The following EPHB1 variants were observed in gnomAD, a reference collection of about 807,000 sequenced individuals.
EPHB1 encodes ephrin type-B receptor 1.
A neutral mutation model predicts 94.4 loss-of-function variants in EPHB1; 30 were observed. The observed-to-expected ratio is 0.32, with a 90% confidence interval of 0.24 to 0.43. The LOEUF (loss-of-function observed/expected upper bound fraction) is 0.43, where lower values mean the gene tolerates loss of function less well. EPHB1 is among the 20% of genes least tolerant of loss of function. The pLI, the probability that EPHB1 is intolerant of heterozygous loss-of-function variation, is 1.00. For missense variants in EPHB1, 1,055 were observed against 1,308.3 expected (o/e 0.81, Z 2.99); for synonymous variants, 522 against 489.1 (o/e 1.07, Z -0.89).
chr3:135,001,054 A>C (rs1472693022), intron 3 of EPHB1, among the ~76,000 whole-genome samples: 1 of 151,956 alleles, frequency 6.6e-6, no homozygotes. Flanking sequence ...CACCTTTTCC[A>C]TGTATCTGGC....
At position 135,239,549 on chromosome 3, in the gene EPHB1, T is replaced by G. The variant is rs78470901; in HGVS notation, c.2347-1599T>G. Among the ~76,000 whole-genome samples, 348 of 152,192 alleles carry G rather than the reference T, an allele frequency of 2.3e-3. 7 individuals are homozygous for G. In the East Asian group the frequency reaches 0.032, roughly 14 times the overall value. ...CAGAGCCTAAGCATGGAAAAAAGCA[T>G]GAAAGGGTGAAATCCTGGCATTTGG... On this transcript the variant is annotated intron_variant, in intron 12 of 15. Coordinates refer to ENST00000398015, the MANE Select transcript of EPHB1 (RefSeq NM_004441.5).
At chr3:134,800,072 G>A (rs1049139669) in intron 1 of EPHB1, among the ~76,000 whole-genome samples, 2 of 152,126 alleles carry the variant, frequency 1.3e-5, no homozygotes, top group African/African-American at 4.8e-5. Context: ...GGATGGAGAT[G>A]AAATCAACAT....
At chr3:134,904,488 G>GTGGT (rs2038275834) in intron 1 of EPHB1, among the ~76,000 whole-genome samples, 1 of 138,200 alleles carries the variant, frequency 7.2e-6, no homozygotes, top group South Asian at 2.4e-4. Flanking sequence ...GGTCTGTGGT[G>GTGGT]GGGGGTGGCA....
chr3:135,228,100 T>C (rs751091572), intron 12 of EPHB1, among the ~76,000 whole-genome samples: 1 of 152,218 alleles, frequency 6.6e-6, no homozygotes, highest in Non-Finnish European at 1.5e-5. Context: ...ATTTTGTCAA[T>C]TGACCCAAAA....
rs1293942447 is a variant in EPHB1 at position 134,951,354 on chromosome 3, TG to T, written c.124-15del. The T allele has an allele frequency of 1.3e-6, 2 of 1,524,748 alleles. No homozygotes were observed. The highest frequency in any genetic ancestry group is 2.8e-5 in the African/African-American group (2 of 72,142). The allele number at this position is 1,524,748 out of a possible 1,614,324, so 94.5% of individuals were successfully genotyped here. A position where few individuals can be genotyped will look rare whatever the true frequency, so the allele number is the denominator to read the frequency against. On this transcript the variant is annotated splice_polypyrimidine_tract_variant and intron_variant, in intron 2 of 15. Transcript: ENST00000398015. The surrounding 1 kb of genome is among the most constrained non-coding windows in gnomAD (Gnocchi z 4.5). ...TTGTGTTTTTGCATGTGTGTGCCTG[TG>T]GCCTGCTATGTACAGTGGGAAGAAG...
chr3:134,997,535 A>G (rs900494982), intron 3 of EPHB1, among the ~76,000 whole-genome samples: 1 of 151,894 alleles, frequency 6.6e-6, no homozygotes, highest in Admixed American at 6.6e-5. Context: ...CTTCTGCCCA[A>G]TTGTTTTAAT....
intron 1 of EPHB1, among the ~76,000 whole-genome samples, chr3:134,888,836 G>T (rs1272154329): frequency 6.6e-6 from 1 of 152,192 alleles, no homozygotes; most frequent in Admixed American, 6.5e-5. Context: ...ACTGTTCTGG[G>T]AATGGAGGCT....
rs534622962 is a variant in EPHB1 at position 135,109,818 on chromosome 3, A to G, written c.961+3215A>G. On this transcript the variant is annotated intron_variant, in intron 4 of 15. Transcript: ENST00000398015. Reference sequence around the variant, plus strand: ...GATGAGAGGTGCCAAGAAGCTGGGCAGGAGCAATGGCTCACAATACTGGCT... The same window carrying G: ...GATGAGAGGTGCCAAGAAGCTGGGCGGGAGCAATGGCTCACAATACTGGCT... Among the ~76,000 whole-genome samples, 4 of 152,308 alleles carry G rather than the reference A, an allele frequency of 2.6e-5. No individual in the cohort carries two copies. In the South Asian group the frequency reaches 8.3e-4, roughly 32 times the overall value.
intron 1 of EPHB1, among the ~76,000 whole-genome samples, chr3:134,860,172 GACAC>G (rs71139560): frequency 2.2e-5 from 3 of 139,148 alleles, no homozygotes; most frequent in Non-Finnish European, 4.7e-5. Context: ...CACACACACA[GACAC>G]ACACACACAC....
chr3:134,802,933 T>C (rs1362280152), intron 1 of EPHB1, among the ~76,000 whole-genome samples: 3 of 152,100 alleles, frequency 2.0e-5, no homozygotes, highest in Non-Finnish European at 2.9e-5. Flanking sequence ...CTGCTGGTGA[T>C]TGAGGTTTCA....
chr3:134,900,709 G>C (rs1241972441), intron 1 of EPHB1, among the ~76,000 whole-genome samples: 1 of 152,082 alleles, frequency 6.6e-6, no homozygotes, highest in African/African-American at 2.4e-5. Context: ...GGTGTGAGGA[G>C]GACCTGGGTG....
intron 6 of EPHB1, among the ~76,000 whole-genome samples, chr3:135,159,378 A>T (rs566056518): frequency 2.6e-5 from 4 of 152,370 alleles, no homozygotes; most frequent in Non-Finnish European, 5.9e-5. Context: ...GTATTAAAAC[A>T]GTTTTTCAAT....
chr3:135,129,188 C>A (rs1337658502), intron 4 of EPHB1, among the ~76,000 whole-genome samples: 1 of 151,464 alleles, frequency 6.6e-6, no homozygotes, highest in Non-Finnish European at 1.5e-5. Flanking sequence ...GAAAAAAACC[C>A]TTCCCCTGGA....
intron 7 of EPHB1, among the ~76,000 whole-genome samples, chr3:135,164,763 T>G (rs975903892): frequency 1.5e-4 from 22 of 144,644 alleles, no homozygotes. Flanking sequence ...GAGCCAAGAT[T>G]GTGCCACTGC....
At chr3:135,038,385 C>T (rs1407832422) in intron 3 of EPHB1, among the ~76,000 whole-genome samples, 2 of 152,140 alleles carry the variant, frequency 1.3e-5, no homozygotes, top group East Asian at 1.9e-4. Context: ...TTGGTCAGTT[C>T]GTGCCCTGAG....
chr3:134,799,237 G>A (rs1008966278), intron 1 of EPHB1, among the ~76,000 whole-genome samples: 3 of 152,134 alleles, frequency 2.0e-5, no homozygotes, highest in South Asian at 2.1e-4. Context: ...CTAAGCCCAC[G>A]TGTCTTCAAC....
chr3:135,251,533 C>T (rs761459320), intron 15 of EPHB1, among the ~76,000 whole-genome samples: 6 of 152,228 alleles, frequency 3.9e-5, no homozygotes, highest in Non-Finnish European at 7.3e-5. Context: ...CAAAGTAAAA[C>T]ATGTCCACAC....
In EPHB1 at chr3:135,181,934, A is replaced by G. The variant is rs556049623; in HGVS notation, c.1882+1952A>G. ...AGAAATGATGCATTTAGTAGTTTCTATGATGCCCAGTAGCATGACATAAAG... is the reference window on the plus strand; with the variant it reads ...AGAAATGATGCATTTAGTAGTTTCTGTGATGCCCAGTAGCATGACATAAAG... On this transcript the variant is annotated intron_variant, in intron 10 of 15. Transcript: ENST00000398015. Among the ~76,000 whole-genome samples, 8 of 152,304 alleles carry G rather than the reference A, an allele frequency of 5.3e-5. No homozygotes were observed. In the East Asian group the frequency reaches 7.7e-4, roughly 15 times the overall value.
chr3:135,143,872 C>A (rs1349139845), intron 5 of EPHB1, among the ~76,000 whole-genome samples: 5 of 152,244 alleles, frequency 3.3e-5, no homozygotes, highest in Non-Finnish European at 7.3e-5. Context: ...ATTCCCCCAG[C>A]AGGGAGGAGG....
Sources: gnomAD v4.1 joint callset for allele counts (sites outside exome capture counted in the v4.1 genomes callset) on GRCh38, gnomAD v4.1.1 for gene constraint, Gnocchi (gnomAD v3.1) non-coding constraint, MANE v1.5 for transcripts, NCBI Gene and HGNC (gene_info 2026-07-23, HGNC 2026-07-21) for gene names.